Variants in RASGRP3 observed in about 807,000 individuals in gnomAD.
RASGRP3 encodes the protein RAS guanyl releasing protein 3.
RASGRP3 carries 54 observed loss-of-function variants against 82.7 expected under a neutral mutation model. The ratio of observed to expected loss-of-function variants is 0.65; its 90% CI spans 0.52 to 0.82. The LOEUF is 0.82. RASGRP3 is among the 40% of genes least tolerant of loss of function. The pLI is 0.00. For missense variants in RASGRP3, 861 were observed against 828.9 expected, an observed-to-expected ratio of 1.04 and a Z score of -0.48; for synonymous variants, 309 against 300.5, an observed-to-expected ratio of 1.03 and a Z score of -0.29.
chr2:33,442,880 A>G (rs1309860980), intron 1 of RASGRP3, among the ~76,000 whole-genome samples: 5 of 82,988 alleles, frequency 6.0e-5, no homozygotes, highest in Non-Finnish European at 1.2e-4. Context: ...AGAAATCACT[A>G]TTGTTTTTTT....
At chr2:33,454,547 G>A (rs551755732) in intron 2 of RASGRP3, among the ~76,000 whole-genome samples, 11 of 152,262 alleles carry the variant, frequency 7.2e-5, no homozygotes, top group South Asian at 2.1e-4. Context: ...AGCTGAAGAC[G>A]GGCTTAACAC....
intron 2 of RASGRP3, among the ~76,000 whole-genome samples, chr2:33,461,459 G>T (rs1347213008): frequency 2.0e-5 from 3 of 152,164 alleles, no homozygotes; most frequent in African/African-American, 7.2e-5. Context: ...TGTATTTTTA[G>T]TAGAGGCGGG....
intron 1 of RASGRP3, among the ~76,000 whole-genome samples, chr2:33,485,176 C>A (rs1668267082): frequency 6.6e-6 from 1 of 152,146 alleles, no homozygotes. Flanking sequence ...CCAGCCTGGG[C>A]AACAAGAGTG....
chr2:33,528,902 G>A (rs894254457), intron 10 of RASGRP3, among the ~76,000 whole-genome samples: 7 of 152,188 alleles, frequency 4.6e-5, no homozygotes, highest in Admixed American at 3.9e-4. Flanking sequence ...GATTTGCCAT[G>A]TAAATCTGTT....
At chr2:33,536,412 T>C (rs1458588405) in intron 11 of RASGRP3, among the ~76,000 whole-genome samples, 3 of 151,644 alleles carry the variant, frequency 2.0e-5, no homozygotes, top group Non-Finnish European at 4.4e-5. Context: ...AGCTGCTAAG[T>C]TGGAGAGCTG....
chr2:33,556,652 C>A (rs1173862991), intron 15 of RASGRP3, among the ~76,000 whole-genome samples: 1 of 152,040 alleles, frequency 6.6e-6, no homozygotes, highest in Non-Finnish European at 1.5e-5. Context: ...CCAGGGATGC[C>A]TTTTTTCTCC....
chr2:33,554,746 T>C (rs1220213028), intron 14 of RASGRP3, among the ~76,000 whole-genome samples: 1 of 152,168 alleles, frequency 6.6e-6, no homozygotes, highest in African/African-American at 2.4e-5. Context: ...GTGCTGGGAT[T>C]ACAGGTGTGA....
intron 3 of RASGRP3, 84 bp from the exon 4 acceptor site, chr2:33,516,458 G>C (rs980416039): frequency 3.5e-6 from 3 of 854,940 alleles, no homozygotes; most frequent in Non-Finnish European, 5.5e-6. Flanking sequence ...TTTGACATAT[G>C]ACACTACTGC....
intron 10 of RASGRP3, 95 bp downstream of exon 10, chr2:33,527,507 G>A (rs1672698644): frequency 7.5e-7 from 1 of 1,331,232 alleles, no homozygotes; most frequent in Non-Finnish European, 1.0e-6. Flanking sequence ...TTCATTCTGG[G>A]GGAAAATTGG....
upstream of RASGRP3, among the ~76,000 whole-genome samples, chr2:33,473,777 C>T (rs1261068057): frequency 6.6e-6 from 1 of 152,164 alleles, no homozygotes. Flanking sequence ...CCATCCCTTC[C>T]TCTCCTGGCT....
At chr2:33,452,764 TG>T (rs1665866809) in intron 2 of RASGRP3, among the ~76,000 whole-genome samples, 1 of 152,250 alleles carries the variant, frequency 6.6e-6, no homozygotes, top group Non-Finnish European at 1.5e-5. Context: ...GACATGCCTC[TG>T]GGTGTAGAGC....
intron 2 of RASGRP3, among the ~76,000 whole-genome samples, chr2:33,462,744 T>C (rs1010872163): frequency 6.6e-6 from 1 of 152,238 alleles, no homozygotes; most frequent in Non-Finnish European, 1.5e-5. Context: ...CCCCACCTCA[T>C]GCATTAAGCT....
intron 3 of RASGRP3, among the ~76,000 whole-genome samples, chr2:33,515,952 G>C (rs764067495): frequency 6.6e-6 from 1 of 152,182 alleles, no homozygotes; most frequent in Non-Finnish European, 1.5e-5. Flanking sequence ...CCTAAATAAT[G>C]CCTGGGACAT....
intron 13 of RASGRP3, among the ~76,000 whole-genome samples, chr2:33,545,807 A>C (rs904069060): frequency 6.6e-6 from 1 of 151,904 alleles, no homozygotes; most frequent in African/African-American, 2.4e-5. Context: ...TATTATTATT[A>C]TTATTACTTT....
intron 1 of RASGRP3, among the ~76,000 whole-genome samples, chr2:33,487,513 T>A (rs1668498920): frequency 6.6e-6 from 1 of 152,222 alleles, no homozygotes; most frequent in Non-Finnish European, 1.5e-5. Context: ...AATCAGCATA[T>A]GAATATGCCA....
At chr2:33,522,151 A>G (rs1205235822) in intron 7 of RASGRP3, 49 bp downstream of exon 7, 3 of 1,557,684 alleles carry the variant, frequency 1.9e-6, no homozygotes, top group East Asian at 4.5e-5. Context: ...CACCATGCCA[A>G]CTTTCCCAAG....
At chr2:33,552,473 TTTG>T (rs1302020636) in intron 14 of RASGRP3, among the ~76,000 whole-genome samples, 1 of 152,198 alleles carries the variant, frequency 6.6e-6, no homozygotes, top group Admixed American at 6.5e-5. Context: ...TACAGCTGTT[TTTG>T]TTTTTAAAAT....
At chr2:33,458,540 G>A (rs916077118) in intron 2 of RASGRP3, among the ~76,000 whole-genome samples, 1 of 152,188 alleles carries the variant, frequency 6.6e-6, no homozygotes, top group Non-Finnish European at 1.5e-5. Context: ...GAAGAGGTGG[G>A]TATAGGTAAA....
Position 33,563,404 on chromosome 2 carries a change from T to TATCA in RASGRP3, c.*668_*671dup, listed in dbSNP as rs538538045. 6 of 152,256 alleles carry TATCA rather than the reference T, an allele frequency of 3.9e-5. No individual in the cohort carries two copies. The highest frequency in any genetic ancestry group is 9.7e-5 in the African/African-American group (4 of 41,420). The allele number at this position is 152,256 out of a possible 1,614,324, so 9.4% of individuals were successfully genotyped here. Reference sequence around the variant, plus strand: ...ATATGTAACAAGTCACACATGTATATATCACACAAGTCTTACCAATTCTGC... The same window carrying TATCA: ...ATATGTAACAAGTCACACATGTATATATCAATCACACAAGTCTTACCAATTCTGC... On this transcript the variant is annotated 3_prime_UTR_variant, in exon 18 of 18. Coordinates refer to ENST00000403687, the MANE Select transcript of RASGRP3 (RefSeq NM_001139488.2).
Sources: allele counts gnomAD v4.1 joint callset (sites outside exome capture counted in the v4.1 genomes callset), GRCh38; gene constraint gnomAD v4.1.1; transcripts MANE v1.5; gene names NCBI Gene and HGNC (gene_info 2026-07-23, HGNC 2026-07-21).